The following EPHB1 variants were observed in gnomAD, a reference collection of about 807,000 sequenced individuals.
The protein encoded by EPHB1 is EPH receptor B1, also known as ephrin type-B receptor 1.
A neutral mutation model predicts 94.4 loss-of-function variants in EPHB1; 30 were observed. The observed-to-expected ratio is 0.32, with a 90% CI of 0.24 to 0.43. EPHB1 has a LOEUF of 0.43. Among genes scored for constraint, EPHB1 ranks in the 20% least tolerant of loss-of-function variants. The probability of loss-of-function intolerance (pLI) is 1.00; values close to 1 mark genes in which losing one functional copy is unlikely to be tolerated. For synonymous variants in EPHB1, 522 were observed against 489.1 expected, an observed-to-expected ratio of 1.07 and a Z score of -0.89; for missense variants, 1,055 against 1,308.3, an observed-to-expected ratio of 0.81 and a Z score of 2.99.
intron 12 of EPHB1, among the ~76,000 whole-genome samples, chr3:135,215,585 C>G (rs559268171): frequency 6.6e-6 from 1 of 152,132 alleles, no homozygotes; most frequent in African/African-American, 2.4e-5. Flanking sequence ...CTGATATTCG[C>G]GAAGGAAAAT....
At chr3:135,062,303 C>T (rs1044922958) in intron 3 of EPHB1, among the ~76,000 whole-genome samples, 1 of 152,206 alleles carries the variant, frequency 6.6e-6, no homozygotes, top group African/African-American at 2.4e-5. Context: ...TTTACATTCC[C>T]ACCAGCAGTG....
chr3:134,978,360 C>T (rs536419288), intron 3 of EPHB1, among the ~76,000 whole-genome samples: 10 of 152,142 alleles, frequency 6.6e-5, no homozygotes, highest in Admixed American at 1.3e-4. Flanking sequence ...ATGGGAGGCT[C>T]TTCTTTAGAT....
At chr3:134,870,340 AGC>A (rs1281701363) in intron 1 of EPHB1, among the ~76,000 whole-genome samples, 1 of 152,198 alleles carries the variant, frequency 6.6e-6, no homozygotes, top group Non-Finnish European at 1.5e-5. Flanking sequence ...CATAGATCCC[AGC>A]TTCCCCACTC....
intron 1 of EPHB1, among the ~76,000 whole-genome samples, chr3:134,862,738 G>A (rs2037293985): frequency 6.6e-6 from 1 of 152,062 alleles, no homozygotes; most frequent in African/African-American, 2.4e-5. Context: ...TCTGAAGGCT[G>A]GTCTTGGGCC....
intron 3 of EPHB1, among the ~76,000 whole-genome samples, chr3:135,103,753 C>T (rs544617488): frequency 6.6e-6 from 1 of 152,080 alleles, no homozygotes; most frequent in African/African-American, 2.4e-5. Flanking sequence ...TGGAATCAGA[C>T]CCCCTCCTGG....
At chr3:135,185,698 T>C (rs577926743) in intron 10 of EPHB1, among the ~76,000 whole-genome samples, 1 of 152,288 alleles carries the variant, frequency 6.6e-6, no homozygotes, top group African/African-American at 2.4e-5. Flanking sequence ...AACCCTCACA[T>C]GAATGTAACC....
chr3:134,872,707 A>G (rs888898099), intron 1 of EPHB1, among the ~76,000 whole-genome samples: 5 of 152,218 alleles, frequency 3.3e-5, no homozygotes, highest in Admixed American at 6.5e-5. Flanking sequence ...ATGTCTTTCC[A>G]TAAATTATAA....
chr3:134,970,150 C>T (rs559740820), intron 3 of EPHB1, among the ~76,000 whole-genome samples: 9 of 152,324 alleles, frequency 5.9e-5, no homozygotes, highest in African/African-American at 1.9e-4. Flanking sequence ...GTTTATCTAA[C>T]CAATTATTTT....
At chr3:134,941,466 C>G (rs1163763657) in intron 2 of EPHB1, among the ~76,000 whole-genome samples, 1 of 150,956 alleles carries the variant, frequency 6.6e-6, no homozygotes, top group Non-Finnish European at 1.5e-5. Context: ...GGAATCAGCT[C>G]AAATCTCTCA....
chr3:135,231,728 C>G (rs1040014311), intron 12 of EPHB1, among the ~76,000 whole-genome samples: 3 of 152,198 alleles, frequency 2.0e-5, no homozygotes, highest in African/African-American at 7.2e-5. Flanking sequence ...ACAATTTTGT[C>G]AGCAGCTAAT....
intron 12 of EPHB1, among the ~76,000 whole-genome samples, chr3:135,221,031 A>G (rs1943269847): frequency 6.6e-6 from 1 of 152,240 alleles, no homozygotes; most frequent in Non-Finnish European, 1.5e-5. Context: ...GGCCCGTTCC[A>G]GGGACTATTG....
chr3:135,143,578 G>A (rs560421659), intron 5 of EPHB1, among the ~76,000 whole-genome samples: 4 of 152,262 alleles, frequency 2.6e-5, no homozygotes, highest in East Asian at 1.9e-4. Context: ...GTGGACTGCC[G>A]TTCATGATCA....
rs537320902 is a variant in EPHB1, at chr3:134,824,301, C to G, written c.58+28612C>G. 4.4e-4 allele frequency among the ~76,000 whole-genome samples: 67 copies of G among 151,850 alleles called. 1 individual carries two copies. Among genetic ancestry groups the G allele is most frequent in the South Asian group, 4.4e-3 (21 of 4,790 alleles). ...GTGAAGTACTGGGAGGCATGTGGGT[C>G]CCTGGAAGGAGAATGGGAGGCAGAA... On this transcript the variant is annotated intron_variant, in intron 1 of 15. Coordinates refer to ENST00000398015, the MANE Select transcript of EPHB1 (RefSeq NM_004441.5).
At chr3:135,054,300 G>T (rs1253634016) in intron 3 of EPHB1, among the ~76,000 whole-genome samples, 1 of 151,972 alleles carries the variant, frequency 6.6e-6, no homozygotes, top group Non-Finnish European at 1.5e-5. Flanking sequence ...CTCTTCCCTG[G>T]GTCTTCAGCC....
At chr3:134,918,134 A>G (rs2038609746) in intron 1 of EPHB1, among the ~76,000 whole-genome samples, 1 of 152,264 alleles carries the variant, frequency 6.6e-6, no homozygotes, top group African/African-American at 2.4e-5. Flanking sequence ...GAATAAACTC[A>G]GATATATAAA....
intron 3 of EPHB1, among the ~76,000 whole-genome samples, chr3:134,958,956 A>G (rs1049674223): frequency 1.3e-5 from 2 of 152,132 alleles, no homozygotes; most frequent in African/African-American, 4.8e-5. Context: ...CCCAAATTCC[A>G]CTAGTGTTGA....
intron 12 of EPHB1, among the ~76,000 whole-genome samples, chr3:135,227,904 T>C (rs1943438419): frequency 2.0e-5 from 3 of 152,172 alleles, no homozygotes; most frequent in Non-Finnish European, 4.4e-5. Context: ...TGTAAAATAT[T>C]TTTTCTGAAC....
chr3:135,156,358 G>A (rs899312155), intron 6 of EPHB1, among the ~76,000 whole-genome samples: 1 of 152,086 alleles, frequency 6.6e-6, no homozygotes, highest in South Asian at 2.1e-4. Context: ...AATAAGGAGA[G>A]GAACAGAAAC....
At chr3:134,850,332 C>T (rs1199219209) in intron 1 of EPHB1, among the ~76,000 whole-genome samples, 1 of 152,194 alleles carries the variant, frequency 6.6e-6, no homozygotes, top group Admixed American at 6.5e-5. Flanking sequence ...GTAGGAGCTC[C>T]CCAGAGAGAG....
Sources: allele counts gnomAD v4.1 joint callset (sites outside exome capture counted in the v4.1 genomes callset), GRCh38; gene constraint gnomAD v4.1.1; transcripts MANE v1.5; gene names NCBI Gene and HGNC (gene_info 2026-07-23, HGNC 2026-07-21).